Variants in ISCA1 observed in about 807,000 individuals in gnomAD.
ISCA1 encodes the protein iron-sulfur cluster assembly 1.
ISCA1 carries 9 observed loss-of-function variants against 14.7 expected under a neutral mutation model. That is an observed-to-expected ratio of 0.61 (90% confidence interval 0.37 to 1.07). ISCA1 has a LOEUF of 1.07. ISCA1 is among the 50% of genes least tolerant of loss of function. The pLI, the probability that ISCA1 is intolerant of heterozygous loss-of-function variation, is 0.01. For synonymous variants in ISCA1, 38 were observed against 54.3 expected, an observed-to-expected ratio of 0.70 and a Z score of 1.32; for missense variants, 102 against 150.1, an observed-to-expected ratio of 0.68 and a Z score of 1.67.
intron 1 of ISCA1, among the ~76,000 whole-genome samples, chr9:86,275,343 T>C (rs537610670): frequency 6.6e-6 from 1 of 152,180 alleles, no homozygotes; most frequent in South Asian, 2.1e-4. Context: ...AGTAAAGTCT[T>C]TGAGACTGCT....
At chr9:86,277,389 A>T (rs1193504761) in intron 1 of ISCA1, among the ~76,000 whole-genome samples, 1 of 152,226 alleles carries the variant, frequency 6.6e-6, no homozygotes, top group Non-Finnish European at 1.5e-5. Flanking sequence ...GTCAGTACTC[A>T]ACCAAGGGAA....
chr9:86,269,801 A>G (rs1825343724), intron 3 of ISCA1, among the ~76,000 whole-genome samples: 1 of 151,994 alleles, frequency 6.6e-6, no homozygotes, highest in African/African-American at 2.4e-5. Context: ...ATCTACAACT[A>G]TCTGATCTTT....
intron 1 of ISCA1, among the ~76,000 whole-genome samples, chr9:86,281,411 TC>T (rs113361342): frequency 2.0e-5 from 3 of 152,228 alleles, no homozygotes; most frequent in Non-Finnish European, 2.9e-5. Context: ...TCGTTTTTTT[TC>T]CCAGTCTCTA....
chr9:86,279,751 T>A (rs1389144212), intron 1 of ISCA1, among the ~76,000 whole-genome samples: 2 of 152,238 alleles, frequency 1.3e-5, no homozygotes, highest in African/African-American at 2.4e-5. Flanking sequence ...TGCTCTCTTA[T>A]CTGTCTCCAT....
At chr9:86,280,267 GGAGA>G (rs1330371383) in intron 1 of ISCA1, among the ~76,000 whole-genome samples, 1 of 152,100 alleles carries the variant, frequency 6.6e-6, no homozygotes, top group African/African-American at 2.4e-5. Flanking sequence ...GACTAGGAAT[GGAGA>G]GAAAGGGACT....
chr9:86,268,360 G>A (rs1825317348), intron 3 of ISCA1, among the ~76,000 whole-genome samples: 4 of 147,450 alleles, frequency 2.7e-5, no homozygotes, highest in Admixed American at 1.4e-4. Flanking sequence ...ATTAAAAATA[G>A]AGAAAAGCTT....
chr9:86,267,835 TAAAA>T (rs34344174), intron 3 of ISCA1: 7 of 117,730 alleles, frequency 5.9e-5, no homozygotes, highest in East Asian at 2.4e-4. Flanking sequence ...CATCTCAAAT[TAAAA>T]AAAAAAAAAA....
chr9:86,273,780 G>T (rs963811061), intron 2 of ISCA1, among the ~76,000 whole-genome samples: 1 of 152,146 alleles, frequency 6.6e-6, no homozygotes, highest in Non-Finnish European at 1.5e-5. Context: ...GTATCGGTGG[G>T]TTCCACATAT....
intron 2 of ISCA1, 53 bp downstream of exon 2, chr9:86,274,136 T>G: frequency 1.0e-6 from 1 of 990,430 alleles, no homozygotes; most frequent in Non-Finnish European, 1.6e-6. Flanking sequence ...GATAAATTCA[T>G]TCTGAAAATG....
intron 1 of ISCA1, among the ~76,000 whole-genome samples, chr9:86,281,495 C>G (rs1241189302): frequency 6.6e-6 from 1 of 152,058 alleles, no homozygotes; most frequent in Non-Finnish European, 1.5e-5. Context: ...ATAAATTTTT[C>G]TTTTGGGGTG....
intron 2 of ISCA1, among the ~76,000 whole-genome samples, chr9:86,273,373 C>T (rs1333313122): frequency 6.6e-6 from 1 of 152,200 alleles, no homozygotes; most frequent in Non-Finnish European, 1.5e-5. Flanking sequence ...GCCATGCTTA[C>T]AGTTCTAGAA....
At chr9:86,278,906 A>G (rs777759083) in intron 1 of ISCA1, among the ~76,000 whole-genome samples, 2 of 152,240 alleles carry the variant, frequency 1.3e-5, no homozygotes, top group African/African-American at 4.8e-5. Context: ...ATGAAGATTT[A>G]TAACGCTGAA....
chr9:86,268,410 T>C (rs1825318530), intron 3 of ISCA1, among the ~76,000 whole-genome samples: 3 of 147,672 alleles, frequency 2.0e-5, no homozygotes, highest in Non-Finnish European at 3.0e-5. Flanking sequence ...ATTTGTACAA[T>C]GTGTTTCAAA....
intron 3 of ISCA1, chr9:86,266,789 G>C (rs1488944697): frequency 6.6e-6 from 1 of 151,758 alleles, no homozygotes; most frequent in African/African-American, 2.4e-5. Context: ...GCAGTGGTAT[G>C]ATCATGGCTC....
At chr9:86,275,205 A>C (rs1377530876) in intron 1 of ISCA1, among the ~76,000 whole-genome samples, 3 of 152,226 alleles carry the variant, frequency 2.0e-5, no homozygotes, top group Non-Finnish European at 4.4e-5. Flanking sequence ...AAAAATACCA[A>C]GTATTATTAT....
At chr9:86,266,261 G>A (rs1014220287) in intron 3 of ISCA1, 70 bp from the exon 4 acceptor site, 3 of 1,521,178 alleles carry the variant, frequency 2.0e-6, no homozygotes, top group Non-Finnish European at 2.6e-6. Context: ...CAAAGCACAA[G>A]TGAACTTGAA....
chr9:86,282,173 G>T (rs181475333), intron 1 of ISCA1: 17 of 606,034 alleles, frequency 2.8e-5, no homozygotes, highest in African/African-American at 3.9e-5. Context: ...GGGGCCAAGA[G>T]AGCAGCCCCG....
At chr9:86,274,755 T>C (rs1825420152) in intron 1 of ISCA1, among the ~76,000 whole-genome samples, 1 of 152,102 alleles carries the variant, frequency 6.6e-6, no homozygotes, top group Non-Finnish European at 1.5e-5. Flanking sequence ...GTTACCAGCA[T>C]AAAATAACCC....
intron 3 of ISCA1, among the ~76,000 whole-genome samples, chr9:86,270,229 C>T (rs1233254368): frequency 2.1e-5 from 3 of 141,382 alleles, no homozygotes; most frequent in African/African-American, 5.5e-5. Context: ...CTACAATGAA[C>T]TCAAACAAAT....
Sources: gnomAD v4.1 joint callset for allele counts (sites outside exome capture counted in the v4.1 genomes callset) on GRCh38, gnomAD v4.1.1 for gene constraint, MANE v1.5 for transcripts, NCBI Gene and HGNC (gene_info 2026-07-23, HGNC 2026-07-21) for gene names.